PKN2: variants seen among roughly 807,000 people sequenced by gnomAD.
The protein encoded by PKN2 is protein kinase N2.
Under a neutral mutation model 119.1 loss-of-function variants are expected in PKN2, and 38 were observed. The observed-to-expected ratio is 0.32, with a 90% CI of 0.25 to 0.42. The LOEUF (loss-of-function observed/expected upper bound fraction) is 0.42, where lower values mean the gene tolerates loss of function less well. Ranked by LOEUF, PKN2 falls within the 10% of genes least tolerant of loss-of-function variation. PKN2 has a pLI of 1.00. For missense variants in PKN2, 850 were observed against 1,165.1 expected, an observed-to-expected ratio of 0.73 and a Z score of 3.94; for synonymous variants, 390 against 384.9, an observed-to-expected ratio of 1.01 and a Z score of -0.15.
At chr1:88,809,305 A>G (rs992447988) in intron 15 of PKN2, among the ~76,000 whole-genome samples, 4 of 152,214 alleles carry the variant, frequency 2.6e-5, no homozygotes, top group Non-Finnish European at 4.4e-5. Flanking sequence ...AATTAAAGCA[A>G]GTCTTTGATC....
intron 8 of PKN2, among the ~76,000 whole-genome samples, chr1:88,801,275 C>T (rs571493575): frequency 3.3e-5 from 5 of 152,118 alleles, no homozygotes; most frequent in African/African-American, 7.2e-5. Flanking sequence ...ATCTCAGCTA[C>T]TCAGGAGGCT....
At chr1:88,770,543 G>T in intron 4 of PKN2, 74 bp downstream of exon 4, 2 of 787,752 alleles carry the variant, frequency 2.5e-6, no homozygotes, top group South Asian at 1.6e-5. Context: ...CAGGGCAGTG[G>T]TTCAAAGTTA....
chr1:88,763,166 A>G (rs1466729986), intron 3 of PKN2, among the ~76,000 whole-genome samples: 1 of 152,200 alleles, frequency 6.6e-6, no homozygotes, highest in African/African-American at 2.4e-5. Flanking sequence ...ATTGAGAGGT[A>G]TAACATAACT....
chr1:88,800,102 T>C (rs189905405), intron 8 of PKN2, among the ~76,000 whole-genome samples: 1 of 152,338 alleles, frequency 6.6e-6, no homozygotes, highest in East Asian at 1.9e-4. Context: ...TTTCTTCTTT[T>C]GCCCTTTTCA....
intron 7 of PKN2, among the ~76,000 whole-genome samples, chr1:88,785,753 G>A (rs1670545334): frequency 6.6e-6 from 1 of 152,280 alleles, no homozygotes; most frequent in South Asian, 2.1e-4. Context: ...ATAAGGAATT[G>A]TTTAAGGAAA....
chr1:88,774,865 C>A (rs1670030885), intron 6 of PKN2, among the ~76,000 whole-genome samples: 1 of 152,062 alleles, frequency 6.6e-6, no homozygotes, highest in African/African-American at 2.4e-5. Flanking sequence ...CGTGCCACCA[C>A]ACCTAGCTAA....
chr1:88,814,114 A>G (rs1429019640), intron 16 of PKN2, among the ~76,000 whole-genome samples: 3 of 152,260 alleles, frequency 2.0e-5, no homozygotes, highest in Admixed American at 6.5e-5. Context: ...TCTGTATCAT[A>G]TATTTATATA....
chr1:88,736,043 T>G (rs1668334529), intron 1 of PKN2, among the ~76,000 whole-genome samples: 1 of 152,206 alleles, frequency 6.6e-6, no homozygotes, highest in Admixed American at 6.5e-5. Flanking sequence ...TAATTGTTTC[T>G]CCTCCAGCTA....
At chr1:88,759,100 T>TA (rs1557592098) in intron 2 of PKN2, among the ~76,000 whole-genome samples, 1 of 152,212 alleles carries the variant, frequency 6.6e-6, no homozygotes, top group African/African-American at 2.4e-5. Flanking sequence ...TGCAGTGGCT[T>TA]ACGCCTGTAA....
intron 1 of PKN2, among the ~76,000 whole-genome samples, chr1:88,733,307 G>T (rs539436628): frequency 7.9e-5 from 12 of 152,114 alleles, no homozygotes; most frequent in Non-Finnish European, 1.8e-4. Context: ...CACCAGCAGT[G>T]TATAAGGGTT....
At chr1:88,821,865 G>C in intron 16 of PKN2, 76 bp from the exon 17 acceptor site, 1 of 1,114,730 alleles carries the variant, frequency 9.0e-7, no homozygotes, top group South Asian at 1.7e-5. Context: ...GGTCTGCTTT[G>C]AAGTATAAAC....
At chr1:88,738,185 A>C (rs920628813) in intron 1 of PKN2, among the ~76,000 whole-genome samples, 13 of 151,964 alleles carry the variant, frequency 8.6e-5, no homozygotes, top group African/African-American at 3.1e-4. Flanking sequence ...ACAAACAAAA[A>C]AAAACCAAAC....
At chr1:88,796,093 A>G (rs971698619) in intron 8 of PKN2, among the ~76,000 whole-genome samples, 5 of 152,206 alleles carry the variant, frequency 3.3e-5, no homozygotes, top group African/African-American at 4.8e-5. Flanking sequence ...TTTTCTTTTT[A>G]GCAACTATAC....
chr1:88,779,641 T>C (rs79701864), intron 6 of PKN2, among the ~76,000 whole-genome samples: 7,391 of 152,246 alleles, frequency 0.049, 246 homozygotes, highest in East Asian at 0.13. Context: ...CCTTTAATTT[T>C]CTTATAAATA....
chr1:88,757,022 C>A (rs1001984648), intron 2 of PKN2, among the ~76,000 whole-genome samples: 2 of 152,070 alleles, frequency 1.3e-5, no homozygotes, highest in African/African-American at 4.8e-5. Context: ...CAGCCTCAAC[C>A]ACTATACTAG....
At chr1:88,719,383 A>C (rs1246907583) in intron 1 of PKN2, among the ~76,000 whole-genome samples, 1 of 152,088 alleles carries the variant, frequency 6.6e-6, no homozygotes, top group African/African-American at 2.4e-5. Flanking sequence ...TTATTTCTTC[A>C]GTCTAATGAG....
At chr1:88,790,614 T>C (rs983668940) in intron 8 of PKN2, among the ~76,000 whole-genome samples, 8 of 152,188 alleles carry the variant, frequency 5.3e-5, no homozygotes, top group African/African-American at 1.9e-4. Flanking sequence ...TATCTTTTTT[T>C]CCCCGGGATT....
intron 3 of PKN2, among the ~76,000 whole-genome samples, chr1:88,765,373 G>A (rs564383589): frequency 2.6e-5 from 4 of 151,594 alleles, no homozygotes; most frequent in African/African-American, 4.9e-5. Flanking sequence ...CTAGCATCTT[G>A]CATCGGTTTT....
chr1:88,711,943 A>G (rs1049518559), intron 1 of PKN2, among the ~76,000 whole-genome samples: 1 of 152,158 alleles, frequency 6.6e-6, no homozygotes, highest in African/African-American at 2.4e-5. Context: ...ATGTATATAT[A>G]TTGAACTGGC....
Sources: gnomAD v4.1 joint callset for allele counts (sites outside exome capture counted in the v4.1 genomes callset) on GRCh38, gnomAD v4.1.1 for gene constraint, MANE v1.5 for transcripts, NCBI Gene and HGNC (gene_info 2026-07-23, HGNC 2026-07-21) for gene names.